Variants in USH2A observed in about 807,000 individuals in gnomAD.
USH2A encodes usherin.
A neutral mutation model predicts 538.9 loss-of-function variants in USH2A; 443 were observed. The observed-to-expected ratio is 0.82, with a 90% confidence interval of 0.76 to 0.89. The LOEUF is 0.89. USH2A is among the 40% of genes least tolerant of loss of function. USH2A has a pLI of 0.00. For missense variants in USH2A, 6,633 were observed against 6,324.8 expected (o/e 1.05, Z -1.65); for synonymous variants, 2,413 against 2,273.5 (o/e 1.06, Z -1.75).
At chr1:215,973,215 G>T (rs1667537049) in intron 35 of USH2A, among the ~76,000 whole-genome samples, 1 of 151,934 alleles carries the variant, frequency 6.6e-6, no homozygotes, top group Non-Finnish European at 1.5e-5. Flanking sequence ...TACATAATTG[G>T]GGAACAGAGA....
chr1:215,917,740 T>A (rs1307253279), intron 38 of USH2A, among the ~76,000 whole-genome samples: 1 of 140,262 alleles, frequency 7.1e-6, no homozygotes, highest in African/African-American at 2.7e-5. Context: ...GCCCGGGAGT[T>A]TGAGACGAGT....
Position 215,671,190 on chromosome 1 carries a change from G to T in USH2A, c.13915C>A (p.His4639Asn), listed in dbSNP as rs199972987. The change falls in exon 64 of 72, where the codon CAT becomes AAT. Residue 4639 changes from histidine (H) to asparagine (N), a missense_variant. Physicochemically the swap from His to Asn is moderately conservative, Grantham distance 68 (BLOSUM62 1). Coordinates refer to ENST00000307340, the MANE Select transcript of USH2A (RefSeq NM_206933.4). The stretch of plus-strand genomic sequence containing the variant: ...CCTGGAGCCATTTGTACCTCCAGAT[G>T]TGGAGGGGGTTGCATCAAAGGTGCA... ...EIAPLMQPPP[H>N]LEVQMAPGGF... 1 of 1,614,150 alleles carries T rather than the reference G, an allele frequency of 6.2e-7. No homozygotes were observed. The highest frequency in any genetic ancestry group is 8.5e-7 in the Non-Finnish European group (1 of 1,179,998).
intron 49 of USH2A, among the ~76,000 whole-genome samples, chr1:215,800,296 C>T (rs931753583): frequency 2.0e-5 from 3 of 152,136 alleles, no homozygotes; most frequent in African/African-American, 2.4e-5. Flanking sequence ...TCCTGCTCCT[C>T]CTCTTCTTCC....
intron 30 of USH2A, among the ~76,000 whole-genome samples, chr1:216,069,212 AG>A (rs1478525557): frequency 6.6e-6 from 1 of 152,148 alleles, no homozygotes. Flanking sequence ...GGCTTTGATA[AG>A]GAGGGTAAAA....
At chr1:216,216,799 A>G (rs2035350976) in intron 15 of USH2A, among the ~76,000 whole-genome samples, 1 of 152,132 alleles carries the variant, frequency 6.6e-6, no homozygotes, top group African/African-American at 2.4e-5. Flanking sequence ...AAAAATATAA[A>G]TGTGAGAGAT....
intron 20 of USH2A, among the ~76,000 whole-genome samples, chr1:216,178,737 T>C (rs942795113): frequency 1.3e-5 from 2 of 152,164 alleles, no homozygotes; most frequent in African/African-American, 4.8e-5. Flanking sequence ...GGAAATGTTC[T>C]AGGACTGTAA....
chr1:216,033,126 T>C (rs971781023), intron 32 of USH2A, among the ~76,000 whole-genome samples: 3 of 152,170 alleles, frequency 2.0e-5, no homozygotes, highest in African/African-American at 7.2e-5. Context: ...CCCTTGGAAG[T>C]CATGTGTTAA....
chr1:216,084,937 AATTTT>A, intron 24 of USH2A, 60 bp from the exon 25 acceptor site: 1 of 1,549,898 alleles, frequency 6.5e-7, no homozygotes, highest in Non-Finnish European at 8.8e-7. Flanking sequence ...TCAAGCAATT[AATTTT>A]ATGTGCCATT....
rs1380368691 is a variant in USH2A, at chr1:216,251,087, C to G, written c.1983G>C (p.Gln661His). 18 of 1,613,980 alleles carry G rather than the reference C, an allele frequency of 1.1e-5. No individual in the cohort carries two copies. Among genetic ancestry groups the G allele is most frequent in the Non-Finnish European group, 1.4e-5 (17 of 1,179,944 alleles). ...CAGACACGTGTCTCTTACAATTACA[C>G]TGTCCTCCAATCTAGAGAAGATACA... Reference protein sequence around the residue: ...GSILCDQIGGQCNCKRHVSGR... With the variant: ...GSILCDQIGGHCNCKRHVSGR... Residue 661 changes from glutamine (Q) to histidine (H), a missense_variant, in exon 12 of 72, where the codon CAG becomes CAC. Physicochemically the swap from Gln to His is conservative, Grantham distance 24. Coordinates refer to ENST00000307340, the MANE Select transcript of USH2A (RefSeq NM_206933.4).
At chr1:215,688,011 G>C (rs927580404) in intron 61 of USH2A, among the ~76,000 whole-genome samples, 1 of 152,048 alleles carries the variant, frequency 6.6e-6, no homozygotes, top group African/African-American at 2.4e-5. Flanking sequence ...TGGAAATTGT[G>C]GTAAATTATG....
chr1:216,278,519 T>C (rs548347125), intron 11 of USH2A, among the ~76,000 whole-genome samples: 19 of 152,326 alleles, frequency 1.2e-4, no homozygotes, highest in Non-Finnish European at 2.5e-4. Flanking sequence ...GAAATATTAC[T>C]ACTAAACTTC....
intron 32 of USH2A, among the ~76,000 whole-genome samples, chr1:216,014,757 T>C (rs1179409595): frequency 1.3e-5 from 2 of 152,212 alleles, no homozygotes; most frequent in African/African-American, 4.8e-5. Flanking sequence ...AGGAAATGCA[T>C]CCCAGTGCAT....
Position 216,262,043 on chromosome 1 carries a change from C to T in USH2A, c.1972-10945G>A, listed in dbSNP as rs6677724. Among the ~76,000 whole-genome samples, 1,394 of 152,262 alleles carry T rather than the reference C, an allele frequency of 9.2e-3. 17 individuals carry two copies. Among genetic ancestry groups the T allele is most frequent in the African/African-American group, 0.032 (1,349 of 41,552 alleles). On this transcript the variant is annotated intron_variant, in intron 11 of 71. Coordinates refer to ENST00000307340, the MANE Select transcript of USH2A (RefSeq NM_206933.4). ...CCAAGTTATCACCCTCTACTTAACA[C>T]TCTAGAACTTATCTACAGGAGTAAA...
At chr1:215,909,859 A>T (rs955747576) in intron 38 of USH2A, among the ~76,000 whole-genome samples, 9 of 151,944 alleles carry the variant, frequency 5.9e-5, no homozygotes, top group Admixed American at 5.9e-4. Context: ...AGGGATGTAG[A>T]GAATGAAAGA....
rs183277487 is a variant in USH2A, at chr1:216,273,707, T to C, written c.1971+15573A>G. On this transcript the variant is annotated intron_variant, in intron 11 of 71. Coordinates refer to ENST00000307340, the MANE Select transcript of USH2A (RefSeq NM_206933.4). Reference sequence around the variant, plus strand: ...ACTGAAATATTTTTAGGAGATATTATCAAATATAGGAGTTATAGAAATCAC... The same window carrying C: ...ACTGAAATATTTTTAGGAGATATTACCAAATATAGGAGTTATAGAAATCAC... 9.4e-4 allele frequency among the ~76,000 whole-genome samples: 142 copies of C among 151,826 alleles called. 1 individual carries two copies. The East Asian group carries it at 0.013, about 14-fold the overall frequency.
chr1:216,038,235 T>G (rs2030085803), intron 32 of USH2A, among the ~76,000 whole-genome samples: 2 of 152,048 alleles, frequency 1.3e-5, no homozygotes, highest in African/African-American at 4.8e-5. Context: ...AAACTTTTTG[T>G]AAAACATCAA....
intron 44 of USH2A, among the ~76,000 whole-genome samples, chr1:215,852,794 C>T (rs1664052355): frequency 6.6e-6 from 1 of 152,336 alleles, no homozygotes; most frequent in South Asian, 2.1e-4. Flanking sequence ...AAAATGATCT[C>T]TTTTGAATCC....
chr1:215,973,656 C>CTTCT (rs1358991956), intron 35 of USH2A, among the ~76,000 whole-genome samples: 1 of 130,960 alleles, frequency 7.6e-6, no homozygotes, highest in Non-Finnish European at 1.6e-5. Context: ...TCTTCTTCTT[C>CTTCT]TTTTTTTTTT....
At chr1:216,165,060 A>G in intron 21 of USH2A, among the ~76,000 whole-genome samples, 1 of 152,150 alleles carries the variant, frequency 6.6e-6, no homozygotes, top group African/African-American at 2.4e-5. Context: ...TTTCTGAACT[A>G]GACTGCCAAC....
Sources: allele counts gnomAD v4.1 joint callset (sites outside exome capture counted in the v4.1 genomes callset), GRCh38; gene constraint gnomAD v4.1.1; transcripts MANE v1.5; gene names NCBI Gene and HGNC (gene_info 2026-07-23, HGNC 2026-07-21).